Variants in WNK2 observed in about 807,000 individuals in gnomAD.
WNK2 encodes the protein serine/threonine-protein kinase WNK2.
A neutral mutation model predicts 192.1 loss-of-function variants in WNK2; 67 were observed. The ratio of observed to expected loss-of-function variants is 0.35; its 90% CI spans 0.29 to 0.43. WNK2 has a LOEUF of 0.43. Among genes scored for constraint, WNK2 ranks in the 20% least tolerant of loss-of-function variants. The pLI is 1.00. For missense variants in WNK2, 2,698 were observed against 3,089.7 expected, an observed-to-expected ratio of 0.87 and a Z score of 3.01; for synonymous variants, 1,439 against 1,393.9, an observed-to-expected ratio of 1.03 and a Z score of -0.72.
rs952920255 is a variant in WNK2 at position 93,229,053 on chromosome 9, G to A, written c.682-643G>A. 1.3e-5 allele frequency among the ~76,000 whole-genome samples: 2 copies of A among 152,298 alleles called. No individual in the cohort carries two copies. Among genetic ancestry groups the A allele is most frequent in the South Asian group, 4.1e-4 (2 of 4,826 alleles). On this transcript the variant is annotated intron_variant, in intron 2 of 29. Transcript: ENST00000427277. This position sits in a 1 kb window ranked among gnomAD's most constrained non-coding sequence, Gnocchi z 4.9. ...AGGGTTCCCGGGTGATGATGGTGGC[G>A]TTTGTTTGCTGTTTTCTATTTAAAC...
In WNK2 at chr9:93,238,225, C is replaced by T. The variant is rs1399905252; in HGVS notation, c.1234-8C>T. On this transcript the variant is annotated splice_polypyrimidine_tract_variant and splice_region_variant and intron_variant, in intron 5 of 29. Transcript: ENST00000427277. ...TCGGGTCAGGTAACTCTGCTCTCTCCCTGTCAGGGTATCAAGCCGGCCAGC... is the reference window on the plus strand; with the variant it reads ...TCGGGTCAGGTAACTCTGCTCTCTCTCTGTCAGGGTATCAAGCCGGCCAGC... 1 of 1,613,948 alleles carries T rather than the reference C, an allele frequency of 6.2e-7. No homozygotes were observed. Among genetic ancestry groups the T allele is most frequent in the South Asian group, 1.1e-5 (1 of 91,072 alleles).
At chr9:93,211,212 A>ACTC (rs1563997045) in intron 2 of WNK2, among the ~76,000 whole-genome samples, 1 of 150,574 alleles carries the variant, frequency 6.6e-6, no homozygotes, top group Non-Finnish European at 1.5e-5. Context: ...TTACTCATTC[A>ACTC]ATCACTCATC....
chr9:93,302,962 A>G (rs1851874121), intron 26 of WNK2, among the ~76,000 whole-genome samples: 1 of 150,684 alleles, frequency 6.6e-6, no homozygotes, highest in Non-Finnish European at 1.5e-5. Flanking sequence ...TCTGTTACCC[A>G]GACTGGAGTG....
chr9:93,257,236 T>C lies in WNK2; in HGVS notation c.2382+97T>C. The C allele has an allele frequency of 7.6e-7, 1 of 1,308,404 alleles. No individual in the cohort carries two copies. The highest frequency in any genetic ancestry group is 1.3e-5 in the South Asian group (1 of 74,148). 81.0% of individuals were successfully genotyped at this position (1,308,404 alleles called of 1,614,324 possible). A position where few individuals can be genotyped will look rare whatever the true frequency, so the allele number is the denominator to read the frequency against. On this transcript the variant is annotated intron_variant, in intron 11 of 29. Coordinates refer to ENST00000427277, the MANE Select transcript of WNK2 (RefSeq NM_006648.4). The surrounding 1 kb of genome is among the most constrained non-coding windows in gnomAD (Gnocchi z 4.7). ...ACCCACAGAGGGGGTTGTCTGTGCA[T>C]GTGACCTGTGACCTGGGGTTGGGCT...
Position 93,288,984 on chromosome 9 carries a change from G to A in WNK2, c.4230G>A (p.Ala1410=), listed in dbSNP as rs143326467. 6,007 of 1,602,150 alleles carry A rather than the reference G, an allele frequency of 3.7e-3. 47 individuals carry two copies. Among genetic ancestry groups the A allele is most frequent in the South Asian group, 0.019 (1,660 of 89,212 alleles). ...APATSTMPEP[A]SGTASQAGGP... ...CCACCAGCACCATGCCAGAGCCAGCGTCAGGAACTGCCAGCCAGGCAGGGG... is the reference window on the plus strand; with the variant it reads ...CCACCAGCACCATGCCAGAGCCAGCATCAGGAACTGCCAGCCAGGCAGGGG... The change falls in exon 20 of 30, where the codon GCG becomes GCA. Residue 1410 remains alanine, a synonymous_variant. Coordinates refer to ENST00000427277, the MANE Select transcript of WNK2 (RefSeq NM_006648.4).
chr9:93,261,713 G>A, intron 12 of WNK2, 101 bp from the exon 13 acceptor site: 1 of 1,384,714 alleles, frequency 7.2e-7, no homozygotes, highest in East Asian at 2.3e-5. Flanking sequence ...GGAGAGGGGT[G>A]TTCCCATCTC....
At position 93,263,799 on chromosome 9, in the gene WNK2, T is replaced by TG. The variant is rs1844705984; in HGVS notation, c.3579+69dup. The TG allele has an allele frequency of 3.0e-4, 44 of 148,510 alleles. 2 individuals carry two copies. The highest frequency in any genetic ancestry group is 7.2e-5 in the South Asian group (2 of 27,668). 9.2% of individuals were successfully genotyped at this position (148,510 alleles called of 1,614,324 possible). On this transcript the variant is annotated intron_variant, in intron 15 of 29. Coordinates refer to ENST00000427277, the MANE Select transcript of WNK2 (RefSeq NM_006648.4). The stretch of plus-strand genomic sequence containing the variant: ...GGGCATGGTGGGGGTGTGGTGGGGG[T>TG]GGGGCCGTGGCGGGGGTGTGGTGGG...
intron 28 of WNK2, among the ~76,000 whole-genome samples, chr9:93,315,029 C>G (rs1466205847): frequency 2.0e-5 from 3 of 152,188 alleles, no homozygotes; most frequent in Non-Finnish European, 4.4e-5. Context: ...CCACAATGTG[C>G]TCTTGACTGG....
At chr9:93,187,238 C>T (rs1829506718) in intron 2 of WNK2, among the ~76,000 whole-genome samples, 1 of 152,098 alleles carries the variant, frequency 6.6e-6, no homozygotes, top group African/African-American at 2.4e-5. Context: ...AGTTCCCATT[C>T]CCTTTAAGGA....
chr9:93,289,533 C>T lies in WNK2; in HGVS notation c.4779C>T (p.Pro1593=). 1 of 1,592,702 alleles carries T rather than the reference C, an allele frequency of 6.3e-7. No homozygotes were observed. The highest frequency in any genetic ancestry group is 8.6e-7 in the Non-Finnish European group (1 of 1,166,358). The change falls in exon 20 of 30, where the codon CCC becomes CCT. Residue 1593 remains proline (P), a synonymous_variant. Transcript: ENST00000427277. ...TGGAGCCCCTGAGAGGGGACCAGCC[C>T]CGCTCAGAGGTCTGCGGGGGGGACC... is the stretch of plus-strand genomic sequence containing the variant. ...FTLEPLRGDQ[P]RSEVCGGDLA...
At position 93,247,876 on chromosome 9, in the gene WNK2, C is replaced by A; in HGVS notation, c.1834+42C>A. ...GGGATGGCCATGGGCACCCCTCCCA[C>A]CTACCCTGCAAAAACCAGCTATTGG... is the stretch of plus-strand genomic sequence containing the variant. On this transcript the variant is annotated intron_variant, in intron 8 of 29. Transcript: ENST00000427277. This position sits in a 1 kb window ranked among gnomAD's most constrained non-coding sequence, Gnocchi z 5.2. 6.6e-7 allele frequency: 1 copy of A among 1,516,184 alleles called. No individual in the cohort carries two copies. The highest frequency in any genetic ancestry group is 8.8e-7 in the Non-Finnish European group (1 of 1,137,826). 93.9% of individuals were successfully genotyped at this position (1,516,184 alleles called of 1,614,324 possible). A position where few individuals can be genotyped will look rare whatever the true frequency, so the allele number is the denominator to read the frequency against.
chr9:93,209,350 T>G (rs940571652), intron 2 of WNK2, among the ~76,000 whole-genome samples: 1 of 152,148 alleles, frequency 6.6e-6, no homozygotes, highest in African/African-American at 2.4e-5. Context: ...ACCACGTGTG[T>G]GGCAGGACAG....
intron 27 of WNK2, chr9:93,307,223 A>C: frequency 1.1e-5 from 2 of 185,140 alleles, no homozygotes; most frequent in Non-Finnish European, 2.2e-5. Flanking sequence ...TGGGCCACTC[A>C]CCTCTCTCTC....
At chr9:93,260,493 C>T (rs1844050468) in intron 12 of WNK2, among the ~76,000 whole-genome samples, 1 of 152,196 alleles carries the variant, frequency 6.6e-6, no homozygotes, top group Non-Finnish European at 1.5e-5. Context: ...TTTTGAGCCT[C>T]AGCCTCCGCA....
rs777890656 is a variant in WNK2, at chr9:93,268,663, C to T, written c.3950C>T (p.Pro1317Leu). Residue 1317 changes from proline (P) to leucine (L), a missense_variant, in exon 19 of 30, where the codon CCG (proline) becomes CTG (leucine). By Grantham distance (98) the Pro-to-Leu change is moderately conservative. Around this residue, in one of 7 missense-constraint regions of WNK2, gnomAD observed 1,098 missense variants for 1,101.0 expected, o/e 1.00. Transcript: ENST00000427277. The stretch of plus-strand genomic sequence containing the variant: ...GGGAAGAGGTGGTTCATCATCTGTC[C>T]GGTGGCTGAGCACCCCGCCCCCGAG... ...HTGKRWFIIC[P>L]VAEHPAPEAP... is the part of the protein sequence containing the mutation. 4.3e-6 allele frequency: 7 copies of T among 1,613,406 alleles called. No individual in the cohort carries two copies. The highest frequency in any genetic ancestry group is 1.3e-5 in the African/African-American group (1 of 74,882).
rs1368985053 is a variant in WNK2 at position 93,239,825 on chromosome 9, C to T, written c.1391C>T (p.Ala464Val). ...GACACAGGCGTGAGGGTGGAGCTCGCGGAGGAGGACCACGGCAGGAAGTCC... is the reference window on the plus strand; with the variant it reads ...GACACAGGCGTGAGGGTGGAGCTCGTGGAGGAGGACCACGGCAGGAAGTCC... ...AEDTGVRVEL[A>V]EEDHGRKSTI... Residue 464 changes from alanine to valine, a missense_variant, in exon 7 of 30, where the codon GCG becomes GTG. By Grantham distance (64) the Ala-to-Val change is moderately conservative (BLOSUM62 0). Around this residue, in one of 7 missense-constraint regions of WNK2, gnomAD observed 230 missense variants for 501.1 expected, o/e 0.46. Coordinates refer to ENST00000427277, the MANE Select transcript of WNK2 (RefSeq NM_006648.4). This position sits in a 1 kb window ranked among gnomAD's most constrained non-coding sequence, Gnocchi z 4.2. 1 of 1,587,372 alleles carries T rather than the reference C, an allele frequency of 6.3e-7. No homozygotes were observed. Among genetic ancestry groups the T allele is most frequent in the African/African-American group, 1.3e-5 (1 of 74,450 alleles).
chr9:93,237,307 A>G (rs1166051167), intron 5 of WNK2, among the ~76,000 whole-genome samples: 4 of 152,034 alleles, frequency 2.6e-5, no homozygotes, highest in East Asian at 3.9e-4. Flanking sequence ...TATGAATGTC[A>G]TGTGCATATG....
Position 93,229,548 on chromosome 9 carries a change from G to A in WNK2, c.682-148G>A. 2 of 850,686 alleles carry A rather than the reference G, an allele frequency of 2.4e-6. No individual in the cohort carries two copies. The highest frequency in any genetic ancestry group is 2.4e-4 in the Middle Eastern group (1 of 4,162). 52.7% of individuals were successfully genotyped at this position (850,686 alleles called of 1,614,324 possible). On this transcript the variant is annotated intron_variant, in intron 2 of 29. Transcript: ENST00000427277. The surrounding 1 kb of genome is among the most constrained non-coding windows in gnomAD (Gnocchi z 4.9). ...AGGAGTCAGCAGTTGTGGTGCCAGT[G>A]TCTGCATGCCCTTCTATCATAGCCG...
At chr9:93,288,044 C>CA (rs550063867) in intron 19 of WNK2, among the ~76,000 whole-genome samples, 54 of 150,712 alleles carry the variant, frequency 3.6e-4, no homozygotes, top group Admixed American at 2.1e-3. Context: ...AGACCATCTC[C>CA]AAAAAAAAAG....
Sources: gnomAD v4.1 joint callset for allele counts (sites outside exome capture counted in the v4.1 genomes callset) on GRCh38, gnomAD v4.1.1 for gene constraint, gnomAD v4.1.1 regional missense constraint, Gnocchi (gnomAD v3.1) non-coding constraint, MANE v1.5 for transcripts, NCBI Gene and HGNC (gene_info 2026-07-23, HGNC 2026-07-21) for gene names.